Variants in CCL1 observed in about 807,000 individuals in gnomAD.
CCL1 encodes the protein C-C motif chemokine ligand 1, also known as C-C motif chemokine 1.
In CCL1, 9 loss-of-function variants were observed where a neutral mutation model predicts 7.5. The ratio of observed to expected loss-of-function variants is 1.20; its 90% confidence interval spans 0.72 to 2.09. CCL1 has a LOEUF of 2.09. Among genes scored for constraint, CCL1 ranks in the 30% most tolerant of loss-of-function variants. The probability of loss-of-function intolerance (pLI) is 0.00; values close to 1 mark genes in which losing one functional copy is unlikely to be tolerated. For missense variants in CCL1, 110 were observed against 113.7 expected (o/e 0.97, Z 0.15); for synonymous variants, 48 against 44.7 (o/e 1.07, Z -0.30).
At chr17:34,363,007 A>G in intron 1 of CCL1, 79 bp downstream of exon 1, 3 of 1,318,738 alleles carry the variant, frequency 2.3e-6, no homozygotes, top group Non-Finnish European at 3.2e-6. Flanking sequence ...TTCAAGGAGA[A>G]GCCTGCTCCA....
At chr17:34,362,651 AT>A (rs1277736066) in intron 1 of CCL1, among the ~76,000 whole-genome samples, 1 of 152,000 alleles carries the variant, frequency 6.6e-6, no homozygotes, top group African/African-American at 2.4e-5. Context: ...CATCAACTCC[AT>A]TTCACTGATA....
At position 34,360,494 on chromosome 17, in the gene CCL1, G is replaced by T; in HGVS notation, c.*65C>A. Reference sequence around the variant, plus strand: ...AGCAGGGCAGAAGGAATGGTGTAGGGCTGGTAGTTTCGGGGACAGGTGAAG... The same window carrying T: ...AGCAGGGCAGAAGGAATGGTGTAGGTCTGGTAGTTTCGGGGACAGGTGAAG... On this transcript the variant is annotated 3_prime_UTR_variant, in exon 3 of 3. Coordinates refer to ENST00000225842, the MANE Select transcript of CCL1 (RefSeq NM_002981.2). 3.3e-6 allele frequency: 4 copies of T among 1,198,222 alleles called. No individual in the cohort carries two copies. The highest frequency in any genetic ancestry group is 5.0e-6 in the Non-Finnish European group (4 of 800,664). 74.2% of individuals were successfully genotyped at this position (1,198,222 alleles called of 1,614,324 possible).
chr17:34,362,197 G>A (rs957096030), intron 1 of CCL1, among the ~76,000 whole-genome samples: 3 of 152,134 alleles, frequency 2.0e-5, no homozygotes, highest in African/African-American at 7.2e-5. Context: ...TTGGAGCCTG[G>A]TTTCTAAAGG....
rs572840565 is a variant in CCL1, at chr17:34,360,619, T to C, written c.231A>G (p.Thr77=). 3.7e-6 allele frequency: 6 copies of C among 1,613,690 alleles called. No individual in the cohort carries two copies. In the East Asian group the frequency reaches 8.9e-5, roughly 24 times the overall value. ...TTCTGTGCCTCTGAACCCATCCAAC[T>C]GTGTCCAAGGCGCAGGCCTCTTTGC... The part of the protein sequence containing the change: ...KRGKEACALD[T]VGWVQRHRKM... Residue 77 remains threonine (T), a synonymous_variant, in exon 3 of 3, where the codon ACA becomes ACG. Transcript: ENST00000225842.
At chr17:34,362,031 C>T (rs2141951299) in intron 1 of CCL1, 135 bp from the exon 2 acceptor site, 1 of 573,552 alleles carries the variant, frequency 1.7e-6, no homozygotes, top group Admixed American at 2.8e-5. Context: ...ACGGTGCCGG[C>T]ATAGCTCTGC....
chr17:34,362,842 G>A (rs905566705), intron 1 of CCL1, among the ~76,000 whole-genome samples: 3 of 48,752 alleles, frequency 6.2e-5, no homozygotes, highest in African/African-American at 9.6e-5. Flanking sequence ...CCTTCCTTGG[G>A]TCTGGATGAA....
chr17:34,361,165 T>TAA (rs1437441602), intron 2 of CCL1, among the ~76,000 whole-genome samples: 1 of 152,146 alleles, frequency 6.6e-6, no homozygotes, highest in Non-Finnish European at 1.5e-5. Context: ...TCTCTTACTC[T>TAA]CTGGTTGATC....
At chr17:34,361,677 T>C (rs907293532) in intron 2 of CCL1, 108 bp downstream of exon 2, 1 of 782,870 alleles carries the variant, frequency 1.3e-6, no homozygotes, top group African/African-American at 1.7e-5. Flanking sequence ...CAGCTCTGGG[T>C]TTAGAAACCT....
rs775318095 is a variant in CCL1 at position 34,363,071 on chromosome 17, G to T, written c.76+15C>A. On this transcript the variant is annotated intron_variant, in intron 1 of 2. Transcript: ENST00000225842. ...CCTCCCCAGAGAGAAGCAAAATGATGCCTGCCACACTCACTGCTCTTGCTG... is the reference window on the plus strand; with the variant it reads ...CCTCCCCAGAGAGAAGCAAAATGATTCCTGCCACACTCACTGCTCTTGCTG... The T allele has an allele frequency of 1.9e-6, 3 of 1,610,232 alleles. No homozygotes were observed. In the African/African-American group the frequency reaches 4.0e-5, roughly 22 times the overall value.
At chr17:34,361,648 G>T in intron 2 of CCL1, 137 bp downstream of exon 2, 4 of 638,450 alleles carry the variant, frequency 6.3e-6, no homozygotes, top group Admixed American at 2.2e-5. Context: ...CCCAAGTGTG[G>T]CTTGCACCCA....
chr17:34,360,456 G>A lies in CCL1; in HGVS notation c.*103C>T. 1 of 872,486 alleles carries A rather than the reference G, an allele frequency of 1.1e-6. No individual in the cohort carries two copies. Among genetic ancestry groups the A allele is most frequent in the East Asian group, 2.4e-5 (1 of 41,314 alleles). 54.0% of individuals were successfully genotyped at this position (872,486 alleles called of 1,614,324 possible). On this transcript the variant is annotated 3_prime_UTR_variant, in exon 3 of 3. Transcript: ENST00000225842. ...CTTATCAAGACCAAGCAGATCCTCTGTGACCTAGCAAAAGCAGGGCAGAAG... is the reference window on the plus strand; with the variant it reads ...CTTATCAAGACCAAGCAGATCCTCTATGACCTAGCAAAAGCAGGGCAGAAG...
intron 2 of CCL1, among the ~76,000 whole-genome samples, chr17:34,361,073 T>C (rs1289480510): frequency 1.3e-5 from 2 of 151,994 alleles, no homozygotes; most frequent in African/African-American, 4.8e-5. Context: ...GCGCCTTGTG[T>C]GTGTGTGGGT....
At chr17:34,362,294 C>A (rs1910527570) in intron 1 of CCL1, among the ~76,000 whole-genome samples, 1 of 152,138 alleles carries the variant, frequency 6.6e-6, no homozygotes, top group Non-Finnish European at 1.5e-5. Flanking sequence ...ACCCTGGGGA[C>A]CTGGTTAGTC....
At chr17:34,362,350 A>G in intron 1 of CCL1, among the ~76,000 whole-genome samples, 1 of 152,110 alleles carries the variant, frequency 6.6e-6, no homozygotes, top group Admixed American at 6.5e-5. Context: ...TGATCTGGGG[A>G]AGATTAGGAA....
chr17:34,360,581 T>A lies in CCL1; in HGVS notation c.269A>T (p.His90Leu). 6.2e-7 allele frequency: 1 copy of A among 1,613,792 alleles called. No individual in the cohort carries two copies. The highest frequency in any genetic ancestry group is 8.5e-7 in the Non-Finnish European group (1 of 1,179,868). Residue 90 changes from histidine to leucine, a missense_variant, in exon 3 of 3, where the codon CAC (histidine) becomes CTC (leucine). His to Leu is a moderately conservative substitution (Grantham distance 99). Transcript: ENST00000225842. Reference protein sequence around the residue: ...WVQRHRKMLRHCPSKRK With the variant: ...WVQRHRKMLRLCPSKRK Reference sequence around the variant, plus strand: ...TGCTCATTTTCTTTTTGACGGGCAGTGCCTCAGCATTTTTCTGTGCCTCTG... The same window carrying A: ...TGCTCATTTTCTTTTTGACGGGCAGAGCCTCAGCATTTTTCTGTGCCTCTG...
At chr17:34,362,881 G>A (rs1160064218) in intron 1 of CCL1, among the ~76,000 whole-genome samples, 1 of 151,862 alleles carries the variant, frequency 6.6e-6, no homozygotes, top group Non-Finnish European at 1.5e-5. Flanking sequence ...GAAGCTGTCA[G>A]TTCAGTTCTC....
At chr17:34,361,338 A>G (rs948278933) in intron 2 of CCL1, among the ~76,000 whole-genome samples, 6 of 152,214 alleles carry the variant, frequency 3.9e-5, no homozygotes, top group Non-Finnish European at 7.3e-5. Context: ...TGATACAGCT[A>G]TGTTTATGAC....
At position 34,360,458 on chromosome 17, in the gene CCL1, G is replaced by T. The variant is rs2141950175; in HGVS notation, c.*101C>A. 1.1e-6 allele frequency: 1 copy of T among 882,380 alleles called. No homozygotes were observed. The highest frequency in any genetic ancestry group is 1.3e-5 in the South Asian group (1 of 74,332). 54.7% of individuals were successfully genotyped at this position (882,380 alleles called of 1,614,324 possible). On this transcript the variant is annotated 3_prime_UTR_variant, in exon 3 of 3. Coordinates refer to ENST00000225842, the MANE Select transcript of CCL1 (RefSeq NM_002981.2). Reference sequence around the variant, plus strand: ...TATCAAGACCAAGCAGATCCTCTGTGACCTAGCAAAAGCAGGGCAGAAGGA... The same window carrying T: ...TATCAAGACCAAGCAGATCCTCTGTTACCTAGCAAAAGCAGGGCAGAAGGA...
chr17:34,362,245 T>C (rs556523148), intron 1 of CCL1, among the ~76,000 whole-genome samples: 1 of 152,310 alleles, frequency 6.6e-6, no homozygotes, highest in South Asian at 2.1e-4. Context: ...TGTGCATGGT[T>C]CTGCCCCAGT....
Sources: allele counts gnomAD v4.1 joint callset (sites outside exome capture counted in the v4.1 genomes callset), GRCh38; gene constraint gnomAD v4.1.1; transcripts MANE v1.5; gene names NCBI Gene and HGNC (gene_info 2026-07-23, HGNC 2026-07-21).